The following USP2 variants were observed in gnomAD, a reference collection of about 807,000 sequenced individuals.
The protein encoded by USP2 is ubiquitin specific peptidase 2, also known as ubiquitin carboxyl-terminal hydrolase 2.
USP2 carries 33 observed loss-of-function variants against 72.0 expected under a neutral mutation model. That is an observed-to-expected ratio of 0.46 (90% CI 0.35 to 0.61). The LOEUF (loss-of-function observed/expected upper bound fraction) is 0.61, where lower values mean the gene tolerates loss of function less well. Ranked by LOEUF, USP2 falls within the 20% of genes least tolerant of loss-of-function variation. The pLI is 0.01. For missense variants in USP2, 691 were observed against 797.8 expected, an observed-to-expected ratio of 0.87 and a Z score of 1.61; for synonymous variants, 296 against 312.5, an observed-to-expected ratio of 0.95 and a Z score of 0.56.
At chr11:119,369,916 C>T (rs1454883778) in intron 2 of USP2, among the ~76,000 whole-genome samples, 1 of 152,164 alleles carries the variant, frequency 6.6e-6, no homozygotes, top group Non-Finnish European at 1.5e-5. Context: ...TGGTGGCTCA[C>T]ACCTGTAATC....
chr11:119,366,839 C>T (rs1591326043), intron 2 of USP2, among the ~76,000 whole-genome samples: 2 of 152,148 alleles, frequency 1.3e-5, no homozygotes, highest in East Asian at 3.9e-4. Flanking sequence ...GTAAGCACTC[C>T]CACCCAGGAC....
chr11:119,359,673 A>C lies in USP2; in HGVS notation c.826-13T>G. 1 of 1,612,584 alleles carries C rather than the reference A, an allele frequency of 6.2e-7. No homozygotes were observed. The highest frequency in any genetic ancestry group is 8.5e-7 in the Non-Finnish European group (1 of 1,179,782). ...AGTTCATGAAGCACTGCAAGAGATGACCAGGCAATCAGTGGGGAGACGAGA... is the reference window on the plus strand; with the variant it reads ...AGTTCATGAAGCACTGCAAGAGATGCCCAGGCAATCAGTGGGGAGACGAGA... On this transcript the variant is annotated splice_polypyrimidine_tract_variant and intron_variant, in intron 3 of 12. Transcript: ENST00000260187.
rs201056943 is a variant in USP2, at chr11:119,356,744, GTGTTGT to G, written c.*85_*90del. 7.9e-7 allele frequency: 1 copy of G among 1,267,608 alleles called. No individual in the cohort carries two copies. The highest frequency in any genetic ancestry group is 1.1e-6 in the Non-Finnish European group (1 of 921,224). 78.5% of individuals were successfully genotyped at this position (1,267,608 alleles called of 1,614,324 possible). A position where few individuals can be genotyped will look rare whatever the true frequency, so the allele number is the denominator to read the frequency against. ...TTTGTTTTTCTCTTGTCAGGTTTGT[GTGTTGT>G]TGTTGTTGTTTTGTTTTTGTCTTTT... On this transcript the variant is annotated 3_prime_UTR_variant, in exon 13 of 13. Coordinates refer to ENST00000260187, the MANE Select transcript of USP2 (RefSeq NM_004205.5).
At chr11:119,357,374 C>T (rs1160809648) in intron 11 of USP2, 67 bp from the exon 12 acceptor site, 16 of 1,610,002 alleles carry the variant, frequency 9.9e-6, no homozygotes, top group Non-Finnish European at 1.3e-5. Context: ...CCAACCTCTC[C>T]TTCTGGGTCT....
At chr11:119,376,371 C>A in intron 1 of USP2, 1 of 985,636 alleles carries the variant, frequency 1.0e-6, no homozygotes, top group Non-Finnish European at 1.2e-6. Context: ...ACAGCCTGAA[C>A]TGAATGGCCC....
intron 2 of USP2, among the ~76,000 whole-genome samples, chr11:119,367,635 C>CT: frequency 6.6e-6 from 1 of 152,192 alleles, no homozygotes. Flanking sequence ...GTCTGCTTCC[C>CT]TGCATGACGT....
At chr11:119,360,104 G>A in intron 3 of USP2, 80 bp downstream of exon 3, 5 of 1,546,934 alleles carry the variant, frequency 3.2e-6, no homozygotes, top group Non-Finnish European at 4.4e-6. Context: ...GCCACAACCA[G>A]AAGGGGACTC....
rs1479239350 is a variant in USP2 at position 119,359,316 on chromosome 11, A to G, written c.976T>C (p.Trp326Arg). 3 of 1,613,870 alleles carry G rather than the reference A, an allele frequency of 1.9e-6. No individual in the cohort carries two copies. Among genetic ancestry groups the G allele is most frequent in the African/African-American group, 2.7e-5 (2 of 74,914 alleles). ...EEFAKLIQTI[W>R]TSSPNDVVSP... ...ACCACATCATTGGGGGATGAAGTCC[A>G]TATGGTCTGAATTAGTTTTGCAAAC... Residue 326 changes from tryptophan to arginine, a missense_variant, in exon 5 of 13, where the codon TGG (tryptophan) becomes CGG (arginine). Transcript: ENST00000260187.
rs916850941 is a variant in USP2 at position 119,373,627 on chromosome 11, A to G, written c.-41-106T>C. ...GCCAGAACCTCAGAGCTCCCAGTCC[A>G]TTTCCACAAGAGGCAGGCTGGCTGC... On this transcript the variant is annotated intron_variant, in intron 1 of 12. Transcript: ENST00000260187. 2.7e-6 allele frequency: 3 copies of G among 1,127,000 alleles called. No homozygotes were observed. The Admixed American group carries it at 8.8e-5, about 33-fold the overall frequency. The allele number at this position is 1,127,000 out of a possible 1,614,324, so 69.8% of individuals were successfully genotyped here. A position where few individuals can be genotyped will look rare whatever the true frequency, so the allele number is the denominator to read the frequency against.
chr11:119,369,207 G>A (rs140655116), intron 2 of USP2, among the ~76,000 whole-genome samples: 2 of 152,238 alleles, frequency 1.3e-5, no homozygotes, highest in Middle Eastern at 3.4e-3. Context: ...GCTGAGCTGC[G>A]CCCCCCTGGC....
chr11:119,372,489 C>T (rs552601623), intron 2 of USP2, among the ~76,000 whole-genome samples: 7 of 152,330 alleles, frequency 4.6e-5, no homozygotes, highest in African/African-American at 7.2e-5. Flanking sequence ...CTCGAGTGCG[C>T]GGGCCCTGAG....
chr11:119,359,775 T>TGAAAGGATAG, intron 3 of USP2, 115 bp from the exon 4 acceptor site: 2 of 1,420,662 alleles, frequency 1.4e-6, no homozygotes, highest in Non-Finnish European at 1.9e-6. Flanking sequence ...TAGGAGGCTA[T>TGAAAGGATAG]CCTTTCATAG....
chr11:119,378,955 C>G (rs1055062072), intron 1 of USP2: 2 of 981,400 alleles, frequency 2.0e-6, no homozygotes, highest in African/African-American at 3.5e-5. Context: ...TGATGTCTTT[C>G]CTCTAGGTAG....
At chr11:119,381,002 CTGG>C (rs1951053040) in intron 1 of USP2, among the ~76,000 whole-genome samples, 1 of 152,174 alleles carries the variant, frequency 6.6e-6, no homozygotes, top group Non-Finnish European at 1.5e-5. Flanking sequence ...TGGTTTGGGA[CTGG>C]TGAGAATTTC....
In USP2 at chr11:119,378,892, T is replaced by A. The variant is rs990162546; in HGVS notation, c.-42+2581A>T. 3 of 797,716 alleles carry A rather than the reference T, an allele frequency of 3.8e-6. No homozygotes were observed. The African/African-American group carries it at 5.6e-5, about 15-fold the overall frequency. The allele number at this position is 797,716 out of a possible 1,614,324, so 49.4% of individuals were successfully genotyped here. A position where few individuals can be genotyped will look rare whatever the true frequency, so the allele number is the denominator to read the frequency against. On this transcript the variant is annotated intron_variant, in intron 1 of 12. Transcript: ENST00000260187. ...CCGGAGGAGCCTTTGGTCTTGCCCC[T>A]GACACCCACCGGGCCCAATGGGGTG... is the stretch of plus-strand genomic sequence containing the variant.
Position 119,359,250 on chromosome 11 carries a change from G to A in USP2, c.1042C>T (p.Pro348Ser), listed in dbSNP as rs375539156. The A allele has an allele frequency of 7.5e-5, 121 of 1,613,972 alleles. No homozygotes were observed. Among genetic ancestry groups the A allele is most frequent in the African/African-American group, 5.6e-4 (42 of 75,008 alleles). The change falls in exon 5 of 13, where the codon CCG becomes TCG. Residue 348 changes from proline (P) to serine (S), a missense_variant. Physicochemically the swap from Pro to Ser is moderately conservative, Grantham distance 74. Coordinates refer to ENST00000260187, the MANE Select transcript of USP2 (RefSeq NM_004205.5). The part of the protein sequence containing the change: ...EFKTQIQRYA[P>S]RFVGYNQQDA... ...CCTTACTTATAGCCAACAAAGCGCGGTGCGTATCTCTGGATCTGGGTCTTG... is the reference window on the plus strand; with the variant it reads ...CCTTACTTATAGCCAACAAAGCGCGATGCGTATCTCTGGATCTGGGTCTTG...
intron 1 of USP2, among the ~76,000 whole-genome samples, chr11:119,377,712 G>T (rs1438565860): frequency 6.6e-6 from 1 of 152,148 alleles, no homozygotes; most frequent in Non-Finnish European, 1.5e-5. Flanking sequence ...GTGAGTCAGG[G>T]GTTAAAATGA....
chr11:119,373,416 T>C lies in USP2; in HGVS notation c.65A>G (p.Tyr22Cys). ...TESARYTDAHYAKSGYGAYTP... is the reference protein window; with the variant it reads ...TESARYTDAHCAKSGYGAYTP... ...GTAGGCACCATAGCCCGACTTGGCA[T>C]AGTGGGCATCTGTGTAGCGGGCCGA... Residue 22 changes from tyrosine (Y) to cysteine (C), a missense_variant, in exon 2 of 13, where the codon TAT (tyrosine) becomes TGT (cysteine). Transcript: ENST00000260187. The C allele has an allele frequency of 6.2e-7, 1 of 1,605,320 alleles. No individual in the cohort carries two copies.
intron 1 of USP2, chr11:119,378,932 C>T (rs551798553): frequency 3.1e-5 from 30 of 977,908 alleles, no homozygotes; most frequent in Middle Eastern, 5.3e-4. Flanking sequence ...CTCACATGCT[C>T]TCCCAGATTC....
Sources: allele counts gnomAD v4.1 joint callset (sites outside exome capture counted in the v4.1 genomes callset), GRCh38; gene constraint gnomAD v4.1.1; transcripts MANE v1.5; gene names NCBI Gene and HGNC (gene_info 2026-07-23, HGNC 2026-07-21).